The following NAALADL2 variants were observed in gnomAD, a reference collection of about 807,000 sequenced individuals.
NAALADL2 encodes the protein inactive N-acetylated-alpha-linked acidic dipeptidase-like protein 2.
In NAALADL2, 76 loss-of-function variants were observed where a neutral mutation model predicts 87.2. The observed-to-expected ratio is 0.87, with a 90% confidence interval of 0.72 to 1.05. The LOEUF is 1.05. Ranked by LOEUF, NAALADL2 falls within the 50% of genes least tolerant of loss-of-function variation. The pLI, the probability that NAALADL2 is intolerant of heterozygous loss-of-function variation, is 0.00. For synonymous variants in NAALADL2, 354 were observed against 331.0 expected, an observed-to-expected ratio of 1.07 and a Z score of -0.75; for missense variants, 1,089 against 945.8, an observed-to-expected ratio of 1.15 and a Z score of -1.99.
chr3:175,048,936 A>G (rs555395838), intron 1 of NAALADL2, among the ~76,000 whole-genome samples: 31 of 152,146 alleles, frequency 2.0e-4, no homozygotes, highest in Non-Finnish European at 4.1e-4. Flanking sequence ...TAGACAAACC[A>G]CTTAGTTTCC....
intron 4 of NAALADL2, among the ~76,000 whole-genome samples, chr3:175,323,803 G>A (rs1289342880): frequency 6.6e-6 from 1 of 151,730 alleles, no homozygotes; most frequent in Non-Finnish European, 1.5e-5. Context: ...GGATCACGAG[G>A]TCAGGCGATC....
intron 5 of NAALADL2, among the ~76,000 whole-genome samples, chr3:175,438,914 CT>C (rs1719211995): frequency 6.6e-6 from 1 of 151,748 alleles, no homozygotes; most frequent in African/African-American, 2.4e-5. Flanking sequence ...TGAATAAGTC[CT>C]TTAGTGGTGA....
chr3:175,112,204 C>T (rs1180588661), intron 2 of NAALADL2, among the ~76,000 whole-genome samples: 1 of 151,426 alleles, frequency 6.6e-6, no homozygotes. Flanking sequence ...AGATGTGCTT[C>T]TTGGAGTGTT....
At chr3:174,572,675 A>G (rs1175694202) in intron 2 of NAALADL2, among the ~76,000 whole-genome samples, 1 of 152,234 alleles carries the variant, frequency 6.6e-6, no homozygotes, top group Non-Finnish European at 1.5e-5. Context: ...CTCAAGATCA[A>G]TATAAACAAA....
At chr3:174,739,030 CT>C (rs1367354350) in intron 3 of NAALADL2, among the ~76,000 whole-genome samples, 23 of 151,936 alleles carry the variant, frequency 1.5e-4, no homozygotes, top group Non-Finnish European at 3.1e-4. Context: ...TTTGTATTTT[CT>C]TTTTATCAAC....
At chr3:174,544,894 G>A (rs1432040261) in intron 1 of NAALADL2, among the ~76,000 whole-genome samples, 1 of 151,714 alleles carries the variant, frequency 6.6e-6, no homozygotes, top group Non-Finnish European at 1.5e-5. Context: ...TTATTTATTT[G>A]AGACAGAGTC....
At chr3:175,090,477 G>T (rs773514657) in intron 1 of NAALADL2, among the ~76,000 whole-genome samples, 16 of 152,044 alleles carry the variant, frequency 1.1e-4, no homozygotes, top group South Asian at 2.1e-4. Context: ...GGGCCCCAAA[G>T]GTTGGCCTAC....
At chr3:175,217,991 T>G (rs191023555) in intron 2 of NAALADL2, 3 of 323,032 alleles carry the variant, frequency 9.3e-6, no homozygotes, top group South Asian at 7.9e-5. Flanking sequence ...CTGTGCTAAT[T>G]TAGCTGTCAT....
intron 9 of NAALADL2, among the ~76,000 whole-genome samples, chr3:175,532,572 G>A (rs1020917634): frequency 6.6e-6 from 1 of 152,208 alleles, no homozygotes; most frequent in Non-Finnish European, 1.5e-5. Flanking sequence ...TAGGAATGCA[G>A]TAGGCTGCCT....
chr3:175,517,979 G>C (rs886286651), intron 9 of NAALADL2, among the ~76,000 whole-genome samples: 1 of 152,154 alleles, frequency 6.6e-6, no homozygotes, highest in African/African-American at 2.4e-5. Context: ...CACTTGGCCA[G>C]TGCCATGTTG....
At chr3:175,788,499 A>G (rs1051160986) in intron 13 of NAALADL2, among the ~76,000 whole-genome samples, 1 of 152,208 alleles carries the variant, frequency 6.6e-6, no homozygotes, top group African/African-American at 2.4e-5. Context: ...TATTCAGTAC[A>G]GTGCAGGTTT....
chr3:174,940,990 G>T lies in NAALADL2; in HGVS notation c.43+81540G>T, dbSNP rs189574015. On this transcript the variant is annotated intron_variant, in intron 1 of 13. Transcript: ENST00000454872. ...ATTGATCTATTGGATATTTTTTTGTGTCTTAATTTCCTTCGGTTCAGCTCT... is the reference window on the plus strand; with the variant it reads ...ATTGATCTATTGGATATTTTTTTGTTTCTTAATTTCCTTCGGTTCAGCTCT... 2.6e-5 allele frequency among the ~76,000 whole-genome samples: 4 copies of T among 151,998 alleles called. No homozygotes were observed. The East Asian group carries it at 7.7e-4, about 29-fold the overall frequency.
chr3:174,668,281 T>C (rs1306759284), intron 2 of NAALADL2, among the ~76,000 whole-genome samples: 1 of 152,152 alleles, frequency 6.6e-6, no homozygotes, highest in Non-Finnish European at 1.5e-5. Flanking sequence ...TATATATGAT[T>C]TGCAGATACT....
At chr3:174,765,123 T>TACACAC (rs10543370) in intron 3 of NAALADL2, among the ~76,000 whole-genome samples, 1 of 119,074 alleles carries the variant, frequency 8.4e-6, no homozygotes, top group Middle Eastern at 5.0e-3. Flanking sequence ...TACACACACA[T>TACACAC]ACACACACAC....
intron 1 of NAALADL2, among the ~76,000 whole-genome samples, chr3:174,979,195 G>C (rs1040545698): frequency 3.3e-5 from 5 of 150,882 alleles, no homozygotes; most frequent in Non-Finnish European, 7.4e-5. Context: ...CTCTCTTCTG[G>C]AGTCCTCTAA....
intron 9 of NAALADL2, among the ~76,000 whole-genome samples, chr3:175,551,126 A>G (rs1373321787): frequency 2.0e-5 from 3 of 151,874 alleles, no homozygotes; most frequent in Admixed American, 6.6e-5. Flanking sequence ...AATTTTCTTA[A>G]TGGAACATTT....
chr3:174,966,523 G>C (rs1406535570), intron 1 of NAALADL2, among the ~76,000 whole-genome samples: 1 of 152,106 alleles, frequency 6.6e-6, no homozygotes, highest in Non-Finnish European at 1.5e-5. Context: ...ATATAAGGAA[G>C]GTAAATCTCT....
At chr3:174,464,444 TG>T (rs1246481533) in intron 1 of NAALADL2, among the ~76,000 whole-genome samples, 1 of 150,964 alleles carries the variant, frequency 6.6e-6, no homozygotes, top group African/African-American at 2.4e-5. Context: ...GGTCGGGGGA[TG>T]GGAAAGTGGT....
chr3:175,108,882 G>A (rs1313487706), intron 2 of NAALADL2, among the ~76,000 whole-genome samples: 1 of 151,764 alleles, frequency 6.6e-6, no homozygotes, highest in Non-Finnish European at 1.5e-5. Context: ...TTTATAAGCT[G>A]TTATTTCTTG....
Sources: gnomAD v4.1 joint callset for allele counts (sites outside exome capture counted in the v4.1 genomes callset) on GRCh38, gnomAD v4.1.1 for gene constraint, MANE v1.5 for transcripts, NCBI Gene and HGNC (gene_info 2026-07-23, HGNC 2026-07-21) for gene names.